Variants in SRGAP1 observed in about 807,000 individuals in gnomAD.
The protein encoded by SRGAP1 is SLIT-ROBO Rho GTPase-activating protein 1.
Under a neutral mutation model 121.9 loss-of-function variants are expected in SRGAP1, and 43 were observed. That is an observed-to-expected ratio of 0.35 (90% CI 0.28 to 0.46). The LOEUF is 0.46. Among genes scored for constraint, SRGAP1 ranks in the 20% least tolerant of loss-of-function variants. SRGAP1 has a pLI of 1.00. For missense variants in SRGAP1, 1,102 were observed against 1,350.9 expected, an observed-to-expected ratio of 0.82 and a Z score of 2.89; for synonymous variants, 447 against 485.4, an observed-to-expected ratio of 0.92 and a Z score of 1.04.
At chr12:64,039,186 A>C (rs2034958347) in intron 4 of SRGAP1, among the ~76,000 whole-genome samples, 1 of 152,224 alleles carries the variant, frequency 6.6e-6, no homozygotes. Flanking sequence ...ATTTTAGTGA[A>C]TAGTGGAAAC....
At chr12:64,041,992 A>G (rs1163896357) in intron 4 of SRGAP1, among the ~76,000 whole-genome samples, 1 of 151,098 alleles carries the variant, frequency 6.6e-6, no homozygotes, top group Non-Finnish European at 1.5e-5. Flanking sequence ...TCCACCTCCC[A>G]GGTTCAAGTG....
In SRGAP1 at chr12:64,111,877, G is replaced by A; in HGVS notation, c.2035G>A (p.Val679Met). 6.2e-7 allele frequency: 1 copy of A among 1,614,034 alleles called. No homozygotes were observed. The highest frequency in any genetic ancestry group is 8.5e-7 in the Non-Finnish European group (1 of 1,180,004). ...IQDQVSCQAH[V>M]NEIIKTIIIH... ...GGATCAAGTGTCTTGCCAGGCACAT[G>A]TGAATGAAATTATCAAAACCATCAT... Residue 679 changes from valine (V) to methionine (M), a missense_variant, in exon 17 of 22, where the codon GTG (valine) becomes ATG (methionine). Physicochemically the swap from Val to Met is conservative, Grantham distance 21. This residue lies in a region of SRGAP1 where 747 missense variants were observed against 929.4 expected (regional missense o/e 0.80). Coordinates refer to ENST00000355086, the MANE Select transcript of SRGAP1 (RefSeq NM_020762.4).
chr12:63,891,297 G>A (rs1176977262), intron 1 of SRGAP1, among the ~76,000 whole-genome samples: 6 of 152,208 alleles, frequency 3.9e-5, no homozygotes, highest in Non-Finnish European at 7.3e-5. Context: ...CCTGTCCTAC[G>A]GGTGTGCCCA....
chr12:64,063,561 T>A (rs897012351), intron 7 of SRGAP1, among the ~76,000 whole-genome samples: 2 of 152,322 alleles, frequency 1.3e-5, no homozygotes, highest in East Asian at 3.9e-4. Flanking sequence ...AAACTTTTTT[T>A]AAAATTCAAG....
chr12:63,869,081 T>C (rs1899762247), intron 1 of SRGAP1, among the ~76,000 whole-genome samples: 1 of 152,224 alleles, frequency 6.6e-6, no homozygotes, highest in Non-Finnish European at 1.5e-5. Flanking sequence ...GATATATATG[T>C]ATCGTGTTAA....
At chr12:64,077,880 C>T (rs1009073992) in intron 8 of SRGAP1, among the ~76,000 whole-genome samples, 1 of 152,154 alleles carries the variant, frequency 6.6e-6, no homozygotes, top group African/African-American at 2.4e-5. Flanking sequence ...TACAAAAAGA[C>T]TCATATCCAT....
intron 1 of SRGAP1, among the ~76,000 whole-genome samples, chr12:63,850,930 T>G (rs1592879795): frequency 6.6e-6 from 1 of 150,462 alleles, no homozygotes; most frequent in Non-Finnish European, 1.5e-5. Context: ...CCGAGGCGGG[T>G]GGATTGCTTG....
At position 64,145,645 on chromosome 12, in the gene SRGAP1, T is replaced by C. The variant is rs1157763847; in HGVS notation, c.*2973T>C. ...ACTCACCTCTCCTTACTTGGTTTAT[T>C]AAATGTCTTCAGATTCCAGAGATAA... On this transcript the variant is annotated 3_prime_UTR_variant, in exon 22 of 22. Transcript: ENST00000355086. 2 of 152,140 alleles carry C rather than the reference T, an allele frequency of 1.3e-5. No homozygotes were observed. The highest frequency in any genetic ancestry group is 4.8e-5 in the African/African-American group (2 of 41,412). 9.4% of individuals were successfully genotyped at this position (152,140 alleles called of 1,614,324 possible).
At chr12:63,935,147 C>A (rs1292665580) in intron 1 of SRGAP1, among the ~76,000 whole-genome samples, 2 of 152,156 alleles carry the variant, frequency 1.3e-5, no homozygotes, top group African/African-American at 4.8e-5. Context: ...CAGAGCCTGG[C>A]ACACAGTAGA....
chr12:63,891,301 G>A (rs1900571421), intron 1 of SRGAP1, among the ~76,000 whole-genome samples: 2 of 152,220 alleles, frequency 1.3e-5, no homozygotes, highest in Admixed American at 1.3e-4. Flanking sequence ...TCCTACGGGT[G>A]TGCCCAGTGT....
intron 8 of SRGAP1, 149 bp from the exon 9 acceptor site, chr12:64,078,770 G>A (rs1473083405): frequency 1.4e-6 from 1 of 718,632 alleles, no homozygotes; most frequent in Admixed American, 2.8e-5. Flanking sequence ...GATATGGAGT[G>A]TTTTTTACCT....
At chr12:63,926,921 G>C (rs1266023569) in intron 1 of SRGAP1, among the ~76,000 whole-genome samples, 3 of 151,932 alleles carry the variant, frequency 2.0e-5, no homozygotes, top group Non-Finnish European at 4.4e-5. Flanking sequence ...AATATGAGTT[G>C]TCGATAATAT....
At chr12:63,852,813 G>A (rs890553883) in intron 1 of SRGAP1, among the ~76,000 whole-genome samples, 1 of 152,044 alleles carries the variant, frequency 6.6e-6, no homozygotes, top group Non-Finnish European at 1.5e-5. Flanking sequence ...TTCCACTTAT[G>A]ACTGCTAATT....
intron 6 of SRGAP1, among the ~76,000 whole-genome samples, chr12:64,047,766 T>C (rs1030751325): frequency 2.6e-5 from 4 of 152,146 alleles, no homozygotes; most frequent in African/African-American, 7.2e-5. Flanking sequence ...GAAACTATTA[T>C]AGAAGCAGTA....
chr12:63,886,564 G>A (rs1900390575), intron 1 of SRGAP1, among the ~76,000 whole-genome samples: 1 of 151,770 alleles, frequency 6.6e-6, no homozygotes, highest in Non-Finnish European at 1.5e-5. Flanking sequence ...ACTCAGCCTT[G>A]ACTTTCCTGG....
rs533415225 is a variant in SRGAP1, at chr12:63,913,639, C to T, written c.67+68756C>T. On this transcript the variant is annotated intron_variant, in intron 1 of 21. Coordinates refer to ENST00000355086, the MANE Select transcript of SRGAP1 (RefSeq NM_020762.4). ...CATCTCTCTCCCTGTTAATGGATCA[C>T]TTCCTCCTATGTGACAGCAGCATAT... is the stretch of plus-strand genomic sequence containing the variant. Among the ~76,000 whole-genome samples, 23 of 151,250 alleles carry T rather than the reference C, an allele frequency of 1.5e-4. No homozygotes were observed. The South Asian group carries it at 4.6e-3, about 30-fold the overall frequency.
At chr12:64,071,096 T>G (rs914963958) in intron 8 of SRGAP1, among the ~76,000 whole-genome samples, 1 of 152,258 alleles carries the variant, frequency 6.6e-6, no homozygotes, top group African/African-American at 2.4e-5. Context: ...AACTGCCATT[T>G]GTTCCTTAAA....
chr12:64,111,949 C>T lies in SRGAP1; in HGVS notation c.2107C>T (p.Pro703Ser), dbSNP rs1170817976. Reference sequence around the variant, plus strand: ...CCCAGATGCTAAAGAGCTGGATGGCCCTGTTTATGAGAAATGTATGGCTGG... The same window carrying T: ...CCCAGATGCTAAAGAGCTGGATGGCTCTGTTTATGAGAAATGTATGGCTGG... ...IFPDAKELDG[P>S]VYEKCMAGDD... The change falls in exon 17 of 22, where the codon CCT becomes TCT. Residue 703 changes from proline (P) to serine (S), a missense_variant. By Grantham distance (74) the Pro-to-Ser change is moderately conservative (BLOSUM62 -1). This residue lies in a region of SRGAP1 where 747 missense variants were observed against 929.4 expected (regional missense o/e 0.80). Transcript: ENST00000355086. 2 of 1,613,710 alleles carry T rather than the reference C, an allele frequency of 1.2e-6. No homozygotes were observed. Among genetic ancestry groups the T allele is most frequent in the South Asian group, 2.2e-5 (2 of 91,014 alleles).
At chr12:64,098,499 C>T (rs1465236133) in intron 15 of SRGAP1, among the ~76,000 whole-genome samples, 1 of 151,908 alleles carries the variant, frequency 6.6e-6, no homozygotes, top group East Asian at 1.9e-4. Context: ...GGCAAAACCC[C>T]ATCTCTACTA....
Sources: gnomAD v4.1 joint callset for allele counts (sites outside exome capture counted in the v4.1 genomes callset) on GRCh38, gnomAD v4.1.1 for gene constraint, gnomAD v4.1.1 regional missense constraint, MANE v1.5 for transcripts, NCBI Gene and HGNC (gene_info 2026-07-23, HGNC 2026-07-21) for gene names.